The following KCTD10 variants were observed in gnomAD, a reference collection of about 807,000 sequenced individuals.
KCTD10 encodes the protein potassium channel tetramerization domain containing 10.
KCTD10 carries 13 observed loss-of-function variants against 34.6 expected under a neutral mutation model. The ratio of observed to expected loss-of-function variants is 0.38; its 90% CI spans 0.24 to 0.60. The LOEUF is 0.60. Among genes scored for constraint, KCTD10 ranks in the 20% least tolerant of loss-of-function variants. KCTD10 has a pLI of 0.66. For synonymous variants in KCTD10, 156 were observed against 168.8 expected (o/e 0.92, Z 0.59); for missense variants, 256 against 420.3 (o/e 0.61, Z 3.42).
intron 2 of KCTD10, among the ~76,000 whole-genome samples, chr12:109,467,259 G>T (rs1873634505): frequency 6.6e-6 from 1 of 152,212 alleles, no homozygotes; most frequent in Non-Finnish European, 1.5e-5. Flanking sequence ...CTGAAATGGG[G>T]ACTCCTCACT....
chr12:109,471,441 CT>C, intron 1 of KCTD10: 3 of 982,688 alleles, frequency 3.1e-6, no homozygotes, highest in Non-Finnish European at 3.6e-6. Flanking sequence ...GAAACAGTTC[CT>C]TTTTCATCAA....
At chr12:109,475,521 G>C (rs1358672261) in intron 1 of KCTD10, among the ~76,000 whole-genome samples, 1 of 149,690 alleles carries the variant, frequency 6.7e-6, no homozygotes, top group African/African-American at 2.5e-5. Flanking sequence ...GCTTGCCTGG[G>C]CTACACCCCA....
At chr12:109,457,341 A>G (rs1873069706) in intron 5 of KCTD10, 2 of 288,880 alleles carry the variant, frequency 6.9e-6, no homozygotes, top group Non-Finnish European at 1.3e-5. Flanking sequence ...CAGGCAGTGA[A>G]AAAGTTCTAA....
intron 1 of KCTD10, among the ~76,000 whole-genome samples, chr12:109,475,286 C>A (rs1475220069): frequency 1.3e-5 from 2 of 151,608 alleles, no homozygotes; most frequent in Non-Finnish European, 2.9e-5. Context: ...CCAGCCTGAG[C>A]AACATAAGAC....
intron 1 of KCTD10, among the ~76,000 whole-genome samples, chr12:109,472,733 C>T (rs1336130294): frequency 3.3e-5 from 5 of 152,232 alleles, no homozygotes; most frequent in Non-Finnish European, 2.9e-5. Flanking sequence ...GACAGCTACA[C>T]TATCACTGGG....
chr12:109,469,500 G>A lies in KCTD10; in HGVS notation c.217+15C>T. 2.5e-6 allele frequency: 4 copies of A among 1,612,734 alleles called. No individual in the cohort carries two copies. Among genetic ancestry groups the A allele is most frequent in the Non-Finnish European group, 3.4e-6 (4 of 1,179,254 alleles). ...AACGCATGGCCAGAGGCAGGCACAT[G>A]GTGGGTGAGCTTACCTTCACTGTCG... On this transcript the variant is annotated intron_variant, in intron 2 of 6. Coordinates refer to ENST00000228495, the MANE Select transcript of KCTD10 (RefSeq NM_031954.5).
intron 2 of KCTD10, among the ~76,000 whole-genome samples, chr12:109,463,063 A>C (rs1306196826): frequency 1.3e-5 from 2 of 152,188 alleles, no homozygotes; most frequent in African/African-American, 4.8e-5. Flanking sequence ...CAGAGGCAGC[A>C]GGACTAGACC....
intron 1 of KCTD10, chr12:109,470,541 A>G (rs1873834697): frequency 2.0e-6 from 2 of 985,458 alleles, no homozygotes; most frequent in South Asian, 4.7e-5. Flanking sequence ...CATGTCTGAA[A>G]TGAACAGGTA....
At chr12:109,476,767 G>A (rs954208128) in intron 1 of KCTD10, among the ~76,000 whole-genome samples, 2 of 152,044 alleles carry the variant, frequency 1.3e-5, no homozygotes, top group African/African-American at 4.8e-5. Context: ...TGGAAACTCA[G>A]CGACTCCAGC....
At chr12:109,474,924 A>G (rs1348544431) in intron 1 of KCTD10, among the ~76,000 whole-genome samples, 2 of 152,156 alleles carry the variant, frequency 1.3e-5, no homozygotes, top group Admixed American at 1.3e-4. Context: ...TGTTAAGGAA[A>G]ACGGGATAGT....
At chr12:109,456,376 C>G in intron 5 of KCTD10, 63 bp from the exon 6 acceptor site, 3 of 1,472,860 alleles carry the variant, frequency 2.0e-6, no homozygotes, top group Non-Finnish European at 1.9e-6. Flanking sequence ...TTTGCTGGGC[C>G]CTTCTACACG....
At chr12:109,458,585 A>G (rs12823587) in intron 3 of KCTD10, 26,113 of 154,628 alleles carry the variant, frequency 0.17, 2,272 homozygotes, top group African/African-American at 0.18. Flanking sequence ...GAAGCACTGG[A>G]AAGATCCCCA....
chr12:109,471,511 G>T, intron 1 of KCTD10: 1 of 666,086 alleles, frequency 1.5e-6, no homozygotes, highest in Non-Finnish European at 1.9e-6. Context: ...TGGGGTCTTT[G>T]CTGCCCGATG....
rs1337411116 is a variant in KCTD10, at chr12:109,455,283, T to A, written c.723+835A>T. Among the ~76,000 whole-genome samples, 3 of 152,112 alleles carry A rather than the reference T, an allele frequency of 2.0e-5. No homozygotes were observed. In the East Asian group the frequency reaches 5.8e-4, roughly 29 times the overall value. ...GTGAGTGCTGGGGAGGAGGAGTAGATACAGACTGAGTGAGAGTGCCCAAGC... is the reference window on the plus strand; with the variant it reads ...GTGAGTGCTGGGGAGGAGGAGTAGAAACAGACTGAGTGAGAGTGCCCAAGC... On this transcript the variant is annotated intron_variant, in intron 6 of 6. Transcript: ENST00000228495.
At chr12:109,456,421 C>A in intron 5 of KCTD10, 108 bp from the exon 6 acceptor site, 7 of 863,672 alleles carry the variant, frequency 8.1e-6, no homozygotes, top group Non-Finnish European at 1.3e-5. Flanking sequence ...TCCACTACCT[C>A]ATTTCAACCT....
At position 109,449,065 on chromosome 12, in the gene KCTD10, CTG is replaced by C. The variant is rs1244977334; in HGVS notation, c.*2528_*2529del. On this transcript the variant is annotated 3_prime_UTR_variant, in exon 7 of 7. Transcript: ENST00000228495. ...CAAAGCTGTTCCAATTTGTAAAAAA[CTG>C]TAGTTATTACATTGCAATGAAATCT... 6.7e-6 allele frequency: 1 copy of C among 150,096 alleles called. No individual in the cohort carries two copies. Among genetic ancestry groups the C allele is most frequent in the African/African-American group, 2.5e-5 (1 of 39,428 alleles). The allele number at this position is 150,096 out of a possible 1,614,324, so 9.3% of individuals were successfully genotyped here.
chr12:109,456,426 C>T, intron 5 of KCTD10, 113 bp from the exon 6 acceptor site: 1 of 834,274 alleles, frequency 1.2e-6, no homozygotes, highest in South Asian at 1.4e-5. Flanking sequence ...TACCTCATTT[C>T]AACCTCACAA....
chr12:109,457,779 A>T, intron 4 of KCTD10, 97 bp from the exon 5 acceptor site: 2 of 1,283,144 alleles, frequency 1.6e-6, no homozygotes, highest in Non-Finnish European at 2.3e-6. Flanking sequence ...GCCCTGCATC[A>T]GAAGAGGCAG....
In KCTD10 at chr12:109,460,332, G is replaced by A. The variant is rs1199617246; in HGVS notation, c.387+304C>T. 1 of 316,230 alleles carries A rather than the reference G, an allele frequency of 3.2e-6. No individual in the cohort carries two copies. The highest frequency in any genetic ancestry group is 6.0e-6 in the Non-Finnish European group (1 of 167,056). 19.6% of individuals were successfully genotyped at this position (316,230 alleles called of 1,614,324 possible). The stretch of plus-strand genomic sequence containing the variant: ...TGGGACTAGAGTAAGCCCTAAGATT[G>A]GTCCCGAACACCGACCAAGTTTCAC... On this transcript the variant is annotated intron_variant, in intron 3 of 6. Coordinates refer to ENST00000228495, the MANE Select transcript of KCTD10 (RefSeq NM_031954.5). This position sits in a 1 kb window ranked among gnomAD's most constrained non-coding sequence, Gnocchi z 4.5.
Sources: allele counts gnomAD v4.1 joint callset (sites outside exome capture counted in the v4.1 genomes callset), GRCh38; gene constraint gnomAD v4.1.1; non-coding constraint Gnocchi (gnomAD v3.1); transcripts MANE v1.5; gene names NCBI Gene and HGNC (gene_info 2026-07-23, HGNC 2026-07-21).